The following GRSF1 variants were observed in gnomAD, a reference collection of about 807,000 sequenced individuals.
GRSF1 encodes the protein G-rich sequence factor 1.
In GRSF1, 50 loss-of-function variants were observed where a neutral mutation model predicts 51.1. The ratio of observed to expected loss-of-function variants is 0.98; its 90% CI spans 0.78 to 1.24. The LOEUF is 1.24. GRSF1 is among the 50% of genes most tolerant of loss of function. The pLI, the probability that GRSF1 is intolerant of heterozygous loss-of-function variation, is 0.00. For missense variants in GRSF1, 700 were observed against 639.7 expected, an observed-to-expected ratio of 1.09 and a Z score of -1.02; for synonymous variants, 293 against 253.3, an observed-to-expected ratio of 1.16 and a Z score of -1.49.
At position 70,824,945 on chromosome 4, in the gene GRSF1, T is replaced by C. The variant is rs138935394; in HGVS notation, c.1393+351A>G. 2.0e-3 allele frequency among the ~76,000 whole-genome samples: 309 copies of C among 152,024 alleles called. 1 individual carries two copies. The highest frequency in any genetic ancestry group is 7.1e-3 in the African/African-American group (296 of 41,460). ...TGGCGAAACCTGTGTCTACTAAAAA[T>C]AGAAAAATTAGTCAGGCACGGTGCC... On this transcript the variant is annotated intron_variant, in intron 8 of 9. Transcript: ENST00000254799.
At chr4:70,840,069 C>T (rs56129317), upstream of GRSF1, 3 of 393,162 alleles carry the variant, frequency 7.6e-6, no homozygotes, top group Non-Finnish European at 1.4e-5. Context: ...GCGGGGCTGC[C>T]CATGGTTTGG....
chr4:70,840,035 T>C (rs1338901154), upstream of GRSF1: 14 of 486,106 alleles, frequency 2.9e-5, no homozygotes, highest in South Asian at 1.8e-4. Context: ...GCCCATGGTT[T>C]GGGCGGGGCT....
chr4:70,822,434 T>C (rs971278987), intron 9 of GRSF1, among the ~76,000 whole-genome samples: 1 of 151,438 alleles, frequency 6.6e-6, no homozygotes, highest in African/African-American at 2.4e-5. Flanking sequence ...TATACAAAAA[T>C]TAGCTGGATG....
chr4:70,821,981 T>G (rs1733531619), intron 9 of GRSF1, among the ~76,000 whole-genome samples: 1 of 152,020 alleles, frequency 6.6e-6, no homozygotes, highest in South Asian at 2.1e-4. Context: ...TGGCCCCATG[T>G]GTTTTCAAGA....
intron 5 of GRSF1, among the ~76,000 whole-genome samples, chr4:70,829,442 G>A (rs561839486): frequency 6.3e-4 from 96 of 151,920 alleles, no homozygotes; most frequent in African/African-American, 2.2e-3. Context: ...GATCACTTGA[G>A]CTCAGGAGTG....
Position 70,833,202 on chromosome 4 carries a change from C to T in GRSF1, c.586G>A (p.Ala196Thr). 6.2e-7 allele frequency: 1 copy of T among 1,613,778 alleles called. No homozygotes were observed. The highest frequency in any genetic ancestry group is 8.5e-7 in the Non-Finnish European group (1 of 1,179,684). Residue 196 changes from alanine to threonine, a missense_variant, in exon 3 of 10, where the codon GCC (alanine) becomes ACC (threonine). By Grantham distance (58) the Ala-to-Thr change is moderately conservative. Transcript: ENST00000254799. ...LNRDGKRRGDALIEMESEQDV... is the reference protein window; with the variant it reads ...LNRDGKRRGDTLIEMESEQDV... ...TGCTCTGACTCCATTTCAATTAAGG[C>T]ATCACCCCTTCGTTTCCCATCTCTG...
chr4:70,816,748 AT>A lies in GRSF1; in HGVS notation c.*4138del, dbSNP rs1280601174. 1 of 152,154 alleles carries A rather than the reference AT, an allele frequency of 6.6e-6. No homozygotes were observed. The highest frequency in any genetic ancestry group is 2.4e-5 in the African/African-American group (1 of 41,440). The allele number at this position is 152,154 out of a possible 1,614,324, so 9.4% of individuals were successfully genotyped here. ...ACACAAAAAACAAAAACAAAAACAA[AT>A]TCCCATGACATGTATGCTGAAAGGA... On this transcript the variant is annotated 3_prime_UTR_variant, in exon 10 of 10. Transcript: ENST00000254799.
chr4:70,840,639 C>T (rs139929818), upstream of GRSF1, among the ~76,000 whole-genome samples: 1,345 of 152,092 alleles, frequency 8.8e-3, 8 homozygotes, highest in South Asian at 0.018. Context: ...GACGGGTGCC[C>T]GTAATCCCAG....
Position 70,839,741 on chromosome 4 carries a change from G to A in GRSF1, c.87C>T (p.Cys29=). 27 of 1,503,370 alleles carry A rather than the reference G, an allele frequency of 1.8e-5. No individual in the cohort carries two copies. Among genetic ancestry groups the A allele is most frequent in the Non-Finnish European group, 2.3e-5 (26 of 1,133,608 alleles). The allele number at this position is 1,503,370 out of a possible 1,614,324, so 93.1% of individuals were successfully genotyped here. ...AGCCAGCGGCGGAGTAGAAGGGCAG[G>A]CAGGCGGCGCCGGTGCGCCGGCAGC... ...CSSCRRTGAA[C]LPFYSAAGSI... is the part of the protein sequence containing the mutation. The change falls in exon 1 of 10, where the codon TGC becomes TGT. Residue 29 remains cysteine, a synonymous_variant. Coordinates refer to ENST00000254799, the MANE Select transcript of GRSF1 (RefSeq NM_002092.4).
In GRSF1 at chr4:70,819,799, A is replaced by G. The variant is rs1733435764; in HGVS notation, c.*1088T>C. 6.6e-6 allele frequency: 1 copy of G among 152,658 alleles called. No homozygotes were observed. Among genetic ancestry groups the G allele is most frequent in the Non-Finnish European group, 1.5e-5 (1 of 68,044 alleles). The allele number at this position is 152,658 out of a possible 1,614,324, so 9.5% of individuals were successfully genotyped here. A position where few individuals can be genotyped will look rare whatever the true frequency, so the allele number is the denominator to read the frequency against. On this transcript the variant is annotated 3_prime_UTR_variant, in exon 10 of 10. Coordinates refer to ENST00000254799, the MANE Select transcript of GRSF1 (RefSeq NM_002092.4). ...TGCACATAAAGTTAGTTTATTAATG[A>G]CTATATTTTGAAGCCAGCCATTTTG...
At chr4:70,839,420 C>A (rs1344672950) in intron 1 of GRSF1, 51 bp downstream of exon 1, 1 of 1,506,058 alleles carries the variant, frequency 6.6e-7, no homozygotes, top group Admixed American at 2.1e-5. Context: ...GGGGCGCGTG[C>A]ACGCGGCCCG....
upstream of GRSF1, among the ~76,000 whole-genome samples, chr4:70,840,173 C>T (rs1734416116): frequency 8.6e-6 from 1 of 116,414 alleles, no homozygotes; most frequent in Non-Finnish European, 1.8e-5. Context: ...GGCGGGGCTG[C>T]CCATGGTTTG....
intron 5 of GRSF1, among the ~76,000 whole-genome samples, chr4:70,831,002 T>C (rs936424674): frequency 1.3e-5 from 2 of 152,174 alleles, no homozygotes; most frequent in Admixed American, 6.5e-5. Flanking sequence ...TTACATTTTA[T>C]ATATAAATGT....
At chr4:70,834,091 T>C (rs933482916) in intron 2 of GRSF1, among the ~76,000 whole-genome samples, 1 of 152,066 alleles carries the variant, frequency 6.6e-6, no homozygotes, top group African/African-American at 2.4e-5. Flanking sequence ...AAACCCTGTC[T>C]CTACTAAAAA....
At chr4:70,836,067 G>GA (rs1218773430) in intron 2 of GRSF1, 91 bp downstream of exon 2, 2 of 733,796 alleles carry the variant, frequency 2.7e-6, no homozygotes, top group Admixed American at 7.8e-5. Context: ...CTTTTACTCA[G>GA]ACAAAATTAC....
chr4:70,827,593 C>T (rs774230594), intron 6 of GRSF1, among the ~76,000 whole-genome samples: 3 of 152,048 alleles, frequency 2.0e-5, no homozygotes, highest in African/African-American at 7.2e-5. Context: ...GCCTGGCCAA[C>T]GTGGCGAAAC....
intron 1 of GRSF1, chr4:70,838,744 A>G: frequency 6.4e-6 from 1 of 156,928 alleles, no homozygotes; most frequent in South Asian, 1.8e-4. Flanking sequence ...AACATTGCAA[A>G]TTCATTCCTG....
intron 6 of GRSF1, among the ~76,000 whole-genome samples, 188 bp downstream of exon 6, chr4:70,827,664 G>A (rs1733790117): frequency 6.6e-6 from 1 of 151,954 alleles, no homozygotes; most frequent in East Asian, 1.9e-4. Context: ...TGTAGTCCCA[G>A]CTACTCAAAG....
At position 70,815,814 on chromosome 4, in the gene GRSF1, T is replaced by C. The variant is rs1324784096; in HGVS notation, c.*5073A>G. On this transcript the variant is annotated 3_prime_UTR_variant, in exon 10 of 10. Transcript: ENST00000254799. ...ATGTTCATACCAACTTTATTCATGA[T>C]AGCCCCAAACTAGAAACAGCCCATT... 8 of 152,208 alleles carry C rather than the reference T, an allele frequency of 5.3e-5. No homozygotes were observed. The highest frequency in any genetic ancestry group is 6.5e-5 in the Admixed American group (1 of 15,274). 9.4% of individuals were successfully genotyped at this position (152,208 alleles called of 1,614,324 possible). A position where few individuals can be genotyped will look rare whatever the true frequency, so the allele number is the denominator to read the frequency against.
Sources: allele counts gnomAD v4.1 joint callset (sites outside exome capture counted in the v4.1 genomes callset), GRCh38; gene constraint gnomAD v4.1.1; transcripts MANE v1.5; gene names NCBI Gene and HGNC (gene_info 2026-07-23, HGNC 2026-07-21).